The following ARHGAP24 variants were observed in gnomAD, a reference collection of about 807,000 sequenced individuals.
ARHGAP24 encodes the protein Rho GTPase activating protein 24.
A neutral mutation model predicts 76.4 loss-of-function variants in ARHGAP24; 50 were observed. That is an observed-to-expected ratio of 0.65 (90% confidence interval 0.52 to 0.83). The LOEUF is 0.83. Among genes scored for constraint, ARHGAP24 ranks in the 40% least tolerant of loss-of-function variants. The pLI is 0.00. For synonymous variants in ARHGAP24, 345 were observed against 323.3 expected, an observed-to-expected ratio of 1.07 and a Z score of -0.72; for missense variants, 930 against 914.2, an observed-to-expected ratio of 1.02 and a Z score of -0.22.
At chr4:85,692,247 T>C (rs143344988) in intron 2 of ARHGAP24, among the ~76,000 whole-genome samples, 78 of 152,306 alleles carry the variant, frequency 5.1e-4, no homozygotes, top group Non-Finnish European at 8.8e-4. Flanking sequence ...CTTCTCTATA[T>C]CTGCCTTTAA....
At chr4:85,628,811 G>GCT (rs1183728563) in intron 2 of ARHGAP24, among the ~76,000 whole-genome samples, 1 of 152,062 alleles carries the variant, frequency 6.6e-6, no homozygotes, top group East Asian at 1.9e-4. Context: ...AGACACTTCT[G>GCT]CTCTCTGGTA....
Position 86,001,538 on chromosome 4 carries a change from T to C in ARHGAP24, c.*816T>C. ...ACGATTCAGGCTTTGAATTACTCTG[T>C]CCCTCTGGACCGAATCTCTTTAACT... is the stretch of plus-strand genomic sequence containing the variant. On this transcript the variant is annotated 3_prime_UTR_variant, in exon 10 of 10. Transcript: ENST00000395184. 1 of 397,918 alleles carries C rather than the reference T, an allele frequency of 2.5e-6. No homozygotes were observed. The allele number at this position is 397,918 out of a possible 1,614,324, so 24.6% of individuals were successfully genotyped here.
chr4:85,998,183 A>G (rs1001641031), intron 9 of ARHGAP24, among the ~76,000 whole-genome samples: 1 of 152,138 alleles, frequency 6.6e-6, no homozygotes, highest in African/African-American at 2.4e-5. Context: ...AAAATTTCCT[A>G]TCAGTATTCT....
At chr4:85,570,321 TTC>T (rs901601963) in intron 1 of ARHGAP24, among the ~76,000 whole-genome samples, 199 bp from the exon 2 acceptor site, 8 of 151,874 alleles carry the variant, frequency 5.3e-5, no homozygotes, top group African/African-American at 9.7e-5. Flanking sequence ...CTCTTTCTCT[TTC>T]TCTCTCTCTC....
chr4:85,802,332 A>G (rs1728611718), intron 3 of ARHGAP24, among the ~76,000 whole-genome samples: 1 of 152,174 alleles, frequency 6.6e-6, no homozygotes, highest in Non-Finnish European at 1.5e-5. Flanking sequence ...TTCACTGCCT[A>G]CTTCTGTTTT....
intron 1 of ARHGAP24, among the ~76,000 whole-genome samples, chr4:85,537,094 A>T (rs1004224961): frequency 6.6e-6 from 1 of 152,090 alleles, no homozygotes; most frequent in East Asian, 1.9e-4. Context: ...AGTATGTTAG[A>T]TGCTCTATAT....
intron 1 of ARHGAP24, among the ~76,000 whole-genome samples, chr4:85,530,151 CA>C (rs1725200420): frequency 1.3e-5 from 2 of 151,362 alleles, no homozygotes; most frequent in African/African-American, 4.9e-5. Context: ...CAAATCTAGT[CA>C]ACAAGTAAAT....
At chr4:85,633,433 T>C (rs961289947) in intron 2 of ARHGAP24, among the ~76,000 whole-genome samples, 7 of 152,002 alleles carry the variant, frequency 4.6e-5, no homozygotes, top group African/African-American at 1.7e-4. Context: ...AGTATAGATC[T>C]GTGCTGCCAT....
At chr4:85,810,044 ATCTT>A (rs1728946166) in intron 3 of ARHGAP24, among the ~76,000 whole-genome samples, 1 of 152,218 alleles carries the variant, frequency 6.6e-6, no homozygotes, top group African/African-American at 2.4e-5. Flanking sequence ...ATGAGAGTCT[ATCTT>A]TCAAGGCTGT....
chr4:85,718,493 C>T (rs35361328), intron 2 of ARHGAP24, among the ~76,000 whole-genome samples: 11 of 151,856 alleles, frequency 7.2e-5, no homozygotes, highest in East Asian at 1.9e-4. Flanking sequence ...GCATTTTCAA[C>T]ACTATAAATA....
chr4:85,478,090 T>C (rs1479916398), intron 1 of ARHGAP24, among the ~76,000 whole-genome samples: 2 of 152,088 alleles, frequency 1.3e-5, no homozygotes, highest in East Asian at 1.9e-4. Flanking sequence ...AGCCACCCAA[T>C]TGGTTACATG....
At chr4:85,986,064 T>C (rs1301147333) in intron 8 of ARHGAP24, among the ~76,000 whole-genome samples, 1 of 152,228 alleles carries the variant, frequency 6.6e-6, no homozygotes, top group Non-Finnish European at 1.5e-5. Flanking sequence ...CTATTTGCAG[T>C]CAACTGACAT....
intron 3 of ARHGAP24, among the ~76,000 whole-genome samples, chr4:85,866,486 A>G (rs1221430582): frequency 1.3e-5 from 2 of 152,082 alleles, no homozygotes; most frequent in Non-Finnish European, 2.9e-5. Flanking sequence ...CTCAACTTTC[A>G]TTCTTACACA....
At chr4:85,718,681 G>GC (rs1458375238) in intron 2 of ARHGAP24, among the ~76,000 whole-genome samples, 1 of 152,002 alleles carries the variant, frequency 6.6e-6, no homozygotes, top group Non-Finnish European at 1.5e-5. Context: ...AGCATATCCT[G>GC]CCCTAAGCCT....
At chr4:85,959,364 C>G (rs1245890112) in intron 5 of ARHGAP24, among the ~76,000 whole-genome samples, 1 of 152,092 alleles carries the variant, frequency 6.6e-6, no homozygotes, top group Non-Finnish European at 1.5e-5. Flanking sequence ...GTCTTTATGA[C>G]CTGGATCTTG....
intron 3 of ARHGAP24, among the ~76,000 whole-genome samples, chr4:85,775,293 G>T (rs1727273772): frequency 6.6e-6 from 1 of 152,144 alleles, no homozygotes; most frequent in Non-Finnish European, 1.5e-5. Context: ...ATCCCACACA[G>T]ATGTGATAGC....
chr4:85,695,717 A>C (rs568707921), intron 2 of ARHGAP24, among the ~76,000 whole-genome samples: 3 of 152,332 alleles, frequency 2.0e-5, no homozygotes, highest in Admixed American at 2.0e-4. Context: ...GAATGTTTTC[A>C]AATTAACTAA....
At chr4:85,482,099 A>T (rs1722837001) in intron 1 of ARHGAP24, among the ~76,000 whole-genome samples, 1 of 152,230 alleles carries the variant, frequency 6.6e-6, no homozygotes, top group Non-Finnish European at 1.5e-5. Flanking sequence ...AGCTTCCAGC[A>T]AGAAAATATG....
chr4:85,780,099 G>T (rs1017067201), intron 3 of ARHGAP24, among the ~76,000 whole-genome samples: 1 of 152,142 alleles, frequency 6.6e-6, no homozygotes, highest in Non-Finnish European at 1.5e-5. Flanking sequence ...CTATAATGCA[G>T]TAATACATTG....
Sources: allele counts gnomAD v4.1 joint callset (sites outside exome capture counted in the v4.1 genomes callset), GRCh38; gene constraint gnomAD v4.1.1; transcripts MANE v1.5; gene names NCBI Gene and HGNC (gene_info 2026-07-23, HGNC 2026-07-21).